Variants in IL3RA observed in about 807,000 individuals in gnomAD.
IL3RA encodes the protein interleukin-3 receptor subunit alpha.
In IL3RA, 73 loss-of-function variants were observed where a neutral mutation model predicts 52.3. The ratio of observed to expected loss-of-function variants is 1.40; its 90% CI spans 1.16 to 1.70. The LOEUF (loss-of-function observed/expected upper bound fraction) is 1.70. Ranked by LOEUF, IL3RA falls within the 40% of genes most tolerant of loss-of-function variation. The pLI, the probability that IL3RA is intolerant of heterozygous loss-of-function variation, is 0.00. For missense variants in IL3RA, 664 were observed against 504.4 expected (o/e 1.32, Z -3.03); for synonymous variants, 260 against 194.0 (o/e 1.34, Z -2.83).
Position 1,361,277 on chromosome X carries a change from G to C in IL3RA, c.759+2390G>C, listed in dbSNP as rs139839204. Reference sequence around the variant, plus strand: ...TCTCTTTCTTTCTCTGCCTCTGTCTGTCTGTCCCCCTGTATTAGTCCATTG... The same window carrying C: ...TCTCTTTCTTTCTCTGCCTCTGTCTCTCTGTCCCCCTGTATTAGTCCATTG... On this transcript the variant is annotated intron_variant, in intron 8 of 11. Transcript: ENST00000331035. 1.1e-3 allele frequency among the ~76,000 whole-genome samples: 174 copies of C among 151,612 alleles called. 3 individuals are homozygous for C. Among genetic ancestry groups the C allele is most frequent in the African/African-American group, 3.7e-3 (154 of 41,254 alleles).
In IL3RA at chrX:1,352,242, C is replaced by A; in HGVS notation, c.431+10C>A. The A allele has an allele frequency of 1.9e-6, 3 of 1,613,454 alleles. No individual in the cohort carries two copies. Among genetic ancestry groups the A allele is most frequent in the Non-Finnish European group, 2.5e-6 (3 of 1,179,614 alleles). ...ACTTGAACGTTGCCAAGTAGGTGTG[C>A]CCGTGGGCAGAGGCCGGGCTGTCCC... On this transcript the variant is annotated intron_variant, in intron 5 of 11. Coordinates refer to ENST00000331035, the MANE Select transcript of IL3RA (RefSeq NM_002183.4).
At chrX:1,359,897 C>T (rs28971413) in intron 8 of IL3RA, among the ~76,000 whole-genome samples, 20 of 150,202 alleles carry the variant, frequency 1.3e-4, no homozygotes, top group Non-Finnish European at 2.5e-4. Context: ...CCATTTCTCC[C>T]TCCATCTCTC....
Position 1,345,343 on chromosome X carries a change from G to C in IL3RA, c.92G>C (p.Arg31Thr). ...CCAAACCCACCAATCACGAACCTAA[G>C]GATGAAAGCAAAGGCTCAGCAGTTG... ...EDPNPPITNLRMKAKAQQLTW... is the reference protein window; with the variant it reads ...EDPNPPITNLTMKAKAQQLTW... Residue 31 changes from arginine (R) to threonine (T), a missense_variant, in exon 3 of 12, where the codon AGG becomes ACG. Transcript: ENST00000331035. 1 of 1,611,092 alleles carries C rather than the reference G, an allele frequency of 6.2e-7. No individual in the cohort carries two copies. Among genetic ancestry groups the C allele is most frequent in the Non-Finnish European group, 8.5e-7 (1 of 1,178,326 alleles).
chrX:1,338,104 G>C (rs760694366), intron 1 of IL3RA, among the ~76,000 whole-genome samples: 28 of 151,356 alleles, frequency 1.8e-4, no homozygotes, highest in Non-Finnish European at 3.8e-4. Context: ...CCAAGAGGTG[G>C]AGACAGCCCT....
At chrX:1,356,737 A>G (rs2086753568) in intron 7 of IL3RA, among the ~76,000 whole-genome samples, 1 of 150,062 alleles carries the variant, frequency 6.7e-6, no homozygotes, top group Non-Finnish European at 1.5e-5. Context: ...GCGCCATTGC[A>G]CTCCAGCCTG....
intron 6 of IL3RA, among the ~76,000 whole-genome samples, chrX:1,353,628 A>AT (rs2086315938): frequency 2.4e-5 from 1 of 42,126 alleles, no homozygotes; most frequent in African/African-American, 9.9e-5. Flanking sequence ...GGGTCATGGG[A>AT]CCCCCCCCAT....
At chrX:1,342,155 TTTTTCATTTTCTTATTA>T (rs2085518763) in intron 2 of IL3RA, among the ~76,000 whole-genome samples, 1 of 151,994 alleles carries the variant, frequency 6.6e-6, no homozygotes, top group Non-Finnish European at 1.5e-5. Flanking sequence ...TTTATCTTAC[TTTTTCATTTTCTTATTA>T]TTTTTATTTT....
chrX:1,352,612 C>A, intron 6 of IL3RA, 106 bp downstream of exon 6: 1 of 1,185,158 alleles, frequency 8.4e-7, no homozygotes, highest in Non-Finnish European at 1.2e-6. Flanking sequence ...CAGACGTTGG[C>A]CTCTCACATT....
chrX:1,341,613 A>C, intron 1 of IL3RA, 115 bp from the exon 2 acceptor site: 1 of 760,436 alleles, frequency 1.3e-6, no homozygotes, highest in Non-Finnish European at 2.2e-6. Context: ...CTTTCCCTCC[A>C]GAAGCAGCTC....
intron 9 of IL3RA, among the ~76,000 whole-genome samples, chrX:1,367,197 C>G (rs866152153): frequency 5.9e-5 from 1 of 16,880 alleles, no homozygotes; most frequent in Non-Finnish European, 9.4e-5. Flanking sequence ...CGGGGTGCGC[C>G]GGGTGAGCGG....
chrX:1,338,285 G>T lies in IL3RA; in HGVS notation c.-39+1359G>T, dbSNP rs181996856. On this transcript the variant is annotated intron_variant, in intron 1 of 11. Transcript: ENST00000331035. ...AAAATATAATGTCCATCCACACAGTGGAATATTACACAGCCATGAAAAGGA... is the reference window on the plus strand; with the variant it reads ...AAAATATAATGTCCATCCACACAGTTGAATATTACACAGCCATGAAAAGGA... 8.9e-3 allele frequency among the ~76,000 whole-genome samples: 1,342 copies of T among 150,188 alleles called. 22 individuals carry two copies. The highest frequency in any genetic ancestry group is 0.031 in the African/African-American group (1,260 of 40,682).
At chrX:1,348,865 C>G (rs191240479) in intron 4 of IL3RA, among the ~76,000 whole-genome samples, 31 of 96,438 alleles carry the variant, frequency 3.2e-4, no homozygotes, top group Non-Finnish European at 4.6e-4. Context: ...TACTTCCTCT[C>G]TCTCCTTCCT....
At chrX:1,366,566 A>C (rs1212410239) in intron 9 of IL3RA, among the ~76,000 whole-genome samples, 15 of 27,252 alleles carry the variant, frequency 5.5e-4, no homozygotes, top group South Asian at 1.5e-3. Flanking sequence ...GCGCGGGGTG[A>C]GCCGGGTGAG....
intron 6 of IL3RA, among the ~76,000 whole-genome samples, chrX:1,356,012 C>T (rs1161889942): frequency 2.6e-5 from 4 of 152,064 alleles, no homozygotes; most frequent in East Asian, 1.9e-4. Flanking sequence ...CCCCAAGGCT[C>T]ACTCCTCCCA....
intron 6 of IL3RA, among the ~76,000 whole-genome samples, chrX:1,353,877 C>A (rs1403383674): frequency 2.2e-5 from 3 of 139,022 alleles, no homozygotes; most frequent in Non-Finnish European, 4.5e-5. Flanking sequence ...GTCATAGGAT[C>A]CCCTATCATG....
In IL3RA at chrX:1,352,509, G is replaced by A. The variant is rs775671434; in HGVS notation, c.616+3G>A. ...GTTTGTCGTCTTTTCACAGATTGGT[G>A]AGTAGCCCGGGACACTCCCTCCCAC... On this transcript the variant is annotated splice_donor_region_variant and intron_variant, in intron 6 of 11. Coordinates refer to ENST00000331035, the MANE Select transcript of IL3RA (RefSeq NM_002183.4). 6.2e-7 allele frequency: 1 copy of A among 1,612,510 alleles called. No individual in the cohort carries two copies. The highest frequency in any genetic ancestry group is 1.1e-5 in the South Asian group (1 of 91,020).
rs2085773684 is a variant in IL3RA, at chrX:1,347,094, GCCTTACC to G, written c.184-1336_184-1330del. Among the ~76,000 whole-genome samples the G allele has an allele frequency of 2.6e-5, 4 of 151,370 alleles. No homozygotes were observed. The South Asian group carries it at 8.3e-4, about 31-fold the overall frequency. On this transcript the variant is annotated intron_variant, in intron 3 of 11. Transcript: ENST00000331035. ...AAAGAAGGTGAATGAAGGAGAACCT[GCCTTACC>G]TATATCAAAAGGCACTGAAAAGTTC...
At chrX:1,339,516 G>T (rs1171230823) in intron 1 of IL3RA, among the ~76,000 whole-genome samples, 1 of 152,156 alleles carries the variant, frequency 6.6e-6, no homozygotes, top group African/African-American at 2.4e-5. Context: ...ATGTTAGGCC[G>T]GGCGCGGTGG....
At chrX:1,349,932 G>A (rs1238498728) in intron 4 of IL3RA, among the ~76,000 whole-genome samples, 13 of 151,958 alleles carry the variant, frequency 8.6e-5, no homozygotes, top group Admixed American at 2.6e-4. Flanking sequence ...GATGACAGGC[G>A]GGAGCCACTG....
Sources: allele counts gnomAD v4.1 joint callset (sites outside exome capture counted in the v4.1 genomes callset), GRCh38; gene constraint gnomAD v4.1.1; transcripts MANE v1.5; gene names NCBI Gene and HGNC (gene_info 2026-07-23, HGNC 2026-07-21).